The following TNIK variants were observed in gnomAD, a reference collection of about 807,000 sequenced individuals.
TNIK encodes the protein TRAF2 and NCK-interacting protein kinase.
TNIK carries 49 observed loss-of-function variants against 191.3 expected under a neutral mutation model. The observed-to-expected ratio is 0.26, with a 90% CI of 0.20 to 0.32. The LOEUF (loss-of-function observed/expected upper bound fraction) is 0.32. TNIK is among the 10% of genes least tolerant of loss of function. The pLI is 1.00. For missense variants in TNIK, 1,155 were observed against 1,702.3 expected (o/e 0.68, Z 5.66); for synonymous variants, 594 against 600.9 (o/e 0.99, Z 0.17).
At chr3:171,332,912 G>A (rs918464534) in intron 2 of TNIK, among the ~76,000 whole-genome samples, 2 of 152,156 alleles carry the variant, frequency 1.3e-5, no homozygotes, top group Non-Finnish European at 2.9e-5. Flanking sequence ...TTGAAAATTT[G>A]GGGACATTTT....
intron 1 of TNIK, among the ~76,000 whole-genome samples, chr3:171,431,921 A>G (rs865934921): frequency 2.0e-5 from 3 of 152,244 alleles, no homozygotes; most frequent in Non-Finnish European, 4.4e-5. Context: ...ACACAGAAAC[A>G]CAACAATAAG....
chr3:171,265,286 G>C (rs147564395), intron 2 of TNIK, among the ~76,000 whole-genome samples: 1 of 152,138 alleles, frequency 6.6e-6, no homozygotes, highest in Admixed American at 6.6e-5. Flanking sequence ...CAAATAATAG[G>C]AGAAAATCTA....
chr3:171,333,286 T>G lies in TNIK; in HGVS notation c.123+36334A>C, dbSNP rs1337048390. Among the ~76,000 whole-genome samples, 13 of 152,050 alleles carry G rather than the reference T, an allele frequency of 8.5e-5. 1 individual carries two copies. Among genetic ancestry groups the G allele is most frequent in the Non-Finnish European group, 1.5e-5 (1 of 68,010 alleles). ...AGATCTGACAACAGGCCGGGCGCAG[T>G]GGTTCACACCTATAATCCCAGCACT... On this transcript the variant is annotated intron_variant, in intron 2 of 32. Coordinates refer to ENST00000436636, the MANE Select transcript of TNIK (RefSeq NM_015028.4).
At position 171,240,317 on chromosome 3, in the gene TNIK, C is replaced by T. The variant is rs140507480; in HGVS notation, c.124-12096G>A. Among the ~76,000 whole-genome samples the T allele has an allele frequency of 3.4e-3, 520 of 152,210 alleles. 5 individuals carry two copies. The highest frequency in any genetic ancestry group is 0.012 in the African/African-American group (494 of 41,530). On this transcript the variant is annotated intron_variant, in intron 2 of 32. Coordinates refer to ENST00000436636, the MANE Select transcript of TNIK (RefSeq NM_015028.4). ...AGAGCTCTGCAGGCCCTATAGAGGA[C>T]GTGGAGGTTACGAGGAAAGGCTTTG...
intron 2 of TNIK, among the ~76,000 whole-genome samples, chr3:171,288,552 T>TAATC (rs926123161): frequency 3.7e-4 from 57 of 152,170 alleles, no homozygotes; most frequent in African/African-American, 1.3e-3. Context: ...CTCACGCCTG[T>TAATC]AATCCCAGCA....
intron 2 of TNIK, among the ~76,000 whole-genome samples, chr3:171,260,903 G>A (rs1028403498): frequency 6.6e-6 from 1 of 152,020 alleles, no homozygotes; most frequent in Admixed American, 6.5e-5. Flanking sequence ...AGATAACGAG[G>A]GTTATTACCG....
rs376581659 is a variant in TNIK at position 171,071,810 on chromosome 3, T to C, written c.3449-487A>G. On this transcript the variant is annotated intron_variant, in intron 28 of 32. Coordinates refer to ENST00000436636, the MANE Select transcript of TNIK (RefSeq NM_015028.4). ...ACCAAGTGAAATAATTGCTTATTTA[T>C]GCTTCTAACGAAAGGGGGGTGTTAG... Among the ~76,000 whole-genome samples the C allele has an allele frequency of 7.7e-4, 117 of 152,320 alleles. 6 individuals are homozygous for C. In the South Asian group the frequency reaches 0.024, roughly 31 times the overall value.
chr3:171,122,351 C>G (rs1307917606), intron 18 of TNIK, among the ~76,000 whole-genome samples: 8 of 152,172 alleles, frequency 5.3e-5, no homozygotes. Flanking sequence ...GCTGGCGATC[C>G]AGCACTAACG....
chr3:171,171,162 T>C (rs1470136739), intron 9 of TNIK, among the ~76,000 whole-genome samples: 1 of 152,206 alleles, frequency 6.6e-6, no homozygotes, highest in African/African-American at 2.4e-5. Context: ...AACTGGGCTG[T>C]TATCTCCAAG....
chr3:171,123,817 T>A, intron 17 of TNIK, 115 bp from the exon 18 acceptor site: 1 of 640,878 alleles, frequency 1.6e-6, no homozygotes, highest in Non-Finnish European at 2.5e-6. Flanking sequence ...TCCGAAACAG[T>A]AAAGAACTAT....
At chr3:171,365,723 A>C (rs2108482923) in intron 2 of TNIK, among the ~76,000 whole-genome samples, 1 of 152,310 alleles carries the variant, frequency 6.6e-6, no homozygotes, top group South Asian at 2.1e-4. Flanking sequence ...AGGACTATGA[A>C]GACTCTTATA....
intron 7 of TNIK, among the ~76,000 whole-genome samples, chr3:171,187,558 AT>A (rs1176673401): frequency 6.6e-6 from 1 of 152,202 alleles, no homozygotes; most frequent in East Asian, 1.9e-4. Context: ...AACTAAAAAT[AT>A]TCCTTAAAAG....
At chr3:171,447,476 C>G (rs1043021172) in intron 1 of TNIK, among the ~76,000 whole-genome samples, 5 of 152,186 alleles carry the variant, frequency 3.3e-5, no homozygotes, top group African/African-American at 1.2e-4. Context: ...GGTGATAATA[C>G]AACAGATAAT....
intron 29 of TNIK, among the ~76,000 whole-genome samples, chr3:171,069,946 A>C (rs1295347046): frequency 6.6e-6 from 1 of 152,168 alleles, no homozygotes; most frequent in African/African-American, 2.4e-5. Flanking sequence ...TTCCTGTTCA[A>C]GTCTTTGCCT....
chr3:171,417,654 T>G (rs537809834), intron 1 of TNIK, among the ~76,000 whole-genome samples: 1 of 152,206 alleles, frequency 6.6e-6, no homozygotes, highest in Non-Finnish European at 1.5e-5. Flanking sequence ...CATCAGGCTC[T>G]GAGACAGTCA....
chr3:171,246,635 C>G (rs757435585), intron 2 of TNIK, among the ~76,000 whole-genome samples: 2 of 152,160 alleles, frequency 1.3e-5, no homozygotes, highest in African/African-American at 2.4e-5. Context: ...AAAAATATTT[C>G]TAAGAGCTTT....
chr3:171,408,702 TGA>T (rs1722019460), intron 1 of TNIK, among the ~76,000 whole-genome samples: 1 of 152,200 alleles, frequency 6.6e-6, no homozygotes, highest in African/African-American at 2.4e-5. Flanking sequence ...CTAAAGGGCC[TGA>T]TACCTACCAG....
Position 171,070,533 on chromosome 3 carries a change from C to T in TNIK, c.3549+690G>A, listed in dbSNP as rs187598309. ...TCACTTGGGCTATGGATAGGTTATGCGGCTCTGAACACATCTGGGTGCCTG... is the reference window on the plus strand; with the variant it reads ...TCACTTGGGCTATGGATAGGTTATGTGGCTCTGAACACATCTGGGTGCCTG... On this transcript the variant is annotated intron_variant, in intron 29 of 32. Coordinates refer to ENST00000436636, the MANE Select transcript of TNIK (RefSeq NM_015028.4). Among the ~76,000 whole-genome samples the T allele has an allele frequency of 9.9e-5, 15 of 152,156 alleles. No individual in the cohort carries two copies. In the East Asian group the frequency reaches 1.5e-3, roughly 16 times the overall value.
chr3:171,148,228 G>C (rs1731906885), intron 12 of TNIK, among the ~76,000 whole-genome samples: 1 of 152,230 alleles, frequency 6.6e-6, no homozygotes, highest in Non-Finnish European at 1.5e-5. Context: ...GCTAAGCACT[G>C]TCAAGCACAT....
Sources: gnomAD v4.1 joint callset for allele counts (sites outside exome capture counted in the v4.1 genomes callset) on GRCh38, gnomAD v4.1.1 for gene constraint, MANE v1.5 for transcripts, NCBI Gene and HGNC (gene_info 2026-07-23, HGNC 2026-07-21) for gene names.